Variants in FARSB observed in about 807,000 individuals in gnomAD.
FARSB encodes the protein phenylalanyl-tRNA synthetase subunit beta, also known as phenylalanine--tRNA ligase beta subunit.
In FARSB, 40 loss-of-function variants were observed where a neutral mutation model predicts 69.6. The observed-to-expected ratio is 0.57, with a 90% CI of 0.45 to 0.75. The LOEUF is 0.75. Ranked by LOEUF, FARSB falls within the 30% of genes least tolerant of loss-of-function variation. FARSB has a pLI of 0.00. For synonymous variants in FARSB, 235 were observed against 247.2 expected, an observed-to-expected ratio of 0.95 and a Z score of 0.46; for missense variants, 632 against 722.9, an observed-to-expected ratio of 0.87 and a Z score of 1.44.
At chr2:222,623,503 A>G (rs1296637786) in intron 13 of FARSB, 147 bp downstream of exon 13, 3 of 668,768 alleles carry the variant, frequency 4.5e-6, no homozygotes, top group Non-Finnish European at 8.1e-6. Flanking sequence ...CAGGAATTGT[A>G]TAATCTCAAG....
chr2:222,649,971 A>G (rs1483696183), intron 1 of FARSB, among the ~76,000 whole-genome samples: 1 of 152,222 alleles, frequency 6.6e-6, no homozygotes, highest in Non-Finnish European at 1.5e-5. Flanking sequence ...CCAGGGTTAC[A>G]AAGATAAATA....
chr2:222,624,629 C>G, intron 11 of FARSB, 85 bp downstream of exon 11: 1 of 981,742 alleles, frequency 1.0e-6, no homozygotes, highest in East Asian at 2.4e-5. Context: ...TTTATCATTC[C>G]TTAACAGACT....
intron 7 of FARSB, 124 bp downstream of exon 7, chr2:222,633,075 A>C: frequency 1.5e-6 from 1 of 660,380 alleles, no homozygotes; most frequent in Non-Finnish European, 2.7e-6. Context: ...TCTACAAAAG[A>C]CCTGAGATAC....
intron 1 of FARSB, among the ~76,000 whole-genome samples, chr2:222,654,144 T>C (rs1374518509): frequency 1.3e-5 from 2 of 152,116 alleles, no homozygotes; most frequent in Admixed American, 1.3e-4. Flanking sequence ...TGAACAAATA[T>C]TTGCCACCTA....
intron 2 of FARSB, among the ~76,000 whole-genome samples, chr2:222,646,324 A>G (rs1361245812): frequency 4.0e-5 from 6 of 149,450 alleles, no homozygotes; most frequent in Admixed American, 3.3e-4. Context: ...CTGGGAGCAG[A>G]TAAAATCTTC....
intron 8 of FARSB, among the ~76,000 whole-genome samples, chr2:222,630,605 G>A (rs1325774438): frequency 6.6e-6 from 1 of 151,872 alleles, no homozygotes; most frequent in Non-Finnish European, 1.5e-5. Context: ...TATCTTGTCT[G>A]GTACTTACAA....
chr2:222,608,987 T>C (rs890093239), intron 15 of FARSB, among the ~76,000 whole-genome samples: 1 of 152,244 alleles, frequency 6.6e-6, no homozygotes, highest in Non-Finnish European at 1.5e-5. Context: ...ATATGTCAAA[T>C]TGACAATTGG....
chr2:222,573,618 A>T (rs1689766791), intron 16 of FARSB, among the ~76,000 whole-genome samples: 2 of 152,230 alleles, frequency 1.3e-5, no homozygotes, highest in African/African-American at 4.8e-5. Context: ...CCAAAGGAGA[A>T]GAAAAATCTT....
At chr2:222,620,685 T>G (rs1178961685) in intron 13 of FARSB, among the ~76,000 whole-genome samples, 1 of 152,260 alleles carries the variant, frequency 6.6e-6, no homozygotes, top group South Asian at 2.1e-4. Flanking sequence ...ATATTAATGC[T>G]AGCTTTTTGA....
chr2:222,590,175 C>G (rs943857047), intron 16 of FARSB, among the ~76,000 whole-genome samples: 2 of 152,110 alleles, frequency 1.3e-5, no homozygotes, highest in African/African-American at 4.8e-5. Context: ...CCACGGAATA[C>G]TATGCAGCCA....
intron 16 of FARSB, among the ~76,000 whole-genome samples, chr2:222,583,526 G>C (rs774802764): frequency 2.0e-5 from 3 of 152,108 alleles, no homozygotes; most frequent in Non-Finnish European, 4.4e-5. Context: ...CAAAATTGAG[G>C]AACATGCTAC....
At chr2:222,579,922 G>C (rs1574909491) in intron 16 of FARSB, among the ~76,000 whole-genome samples, 1 of 152,188 alleles carries the variant, frequency 6.6e-6, no homozygotes, top group African/African-American at 2.4e-5. Flanking sequence ...GTGTTGATGG[G>C]ACAGATATCG....
Position 222,634,550 on chromosome 2 carries a change from T to C in FARSB, c.456-9A>G. On this transcript the variant is annotated splice_polypyrimidine_tract_variant and intron_variant, in intron 5 of 16. Transcript: ENST00000281828. ...CAACCAGTGCTCTTTTCCTAATTGT[T>C]GAGAGGTTGAGGGAGAAGGAGGGAG... 1 of 1,607,188 alleles carries C rather than the reference T, an allele frequency of 6.2e-7. No homozygotes were observed. The highest frequency in any genetic ancestry group is 8.5e-7 in the Non-Finnish European group (1 of 1,176,566).
intron 16 of FARSB, among the ~76,000 whole-genome samples, chr2:222,591,693 AT>A (rs1275943051): frequency 2.0e-5 from 3 of 151,746 alleles, no homozygotes; most frequent in Admixed American, 6.6e-5. Context: ...CATATATACA[AT>A]TTTTTTTTAA....
At chr2:222,652,005 C>G (rs1232013405) in intron 1 of FARSB, among the ~76,000 whole-genome samples, 1 of 152,124 alleles carries the variant, frequency 6.6e-6, no homozygotes, top group Non-Finnish European at 1.5e-5. Flanking sequence ...TGCCATGGAC[C>G]AATGACTCCT....
intron 16 of FARSB, among the ~76,000 whole-genome samples, chr2:222,578,260 C>T (rs1689883972): frequency 6.6e-6 from 1 of 152,178 alleles, no homozygotes; most frequent in Non-Finnish European, 1.5e-5. Context: ...TTTACCCAGT[C>T]TTTCACCTGA....
chr2:222,604,871 C>T (rs1019270879), intron 15 of FARSB, among the ~76,000 whole-genome samples: 26 of 151,920 alleles, frequency 1.7e-4, no homozygotes, highest in Non-Finnish European at 2.8e-4. Context: ...CCATGCCAGA[C>T]CTCAATAATT....
chr2:222,610,800 G>T (rs184547116), intron 15 of FARSB, among the ~76,000 whole-genome samples: 2 of 152,260 alleles, frequency 1.3e-5, no homozygotes, highest in Non-Finnish European at 2.9e-5. Flanking sequence ...TGAAATAAGT[G>T]CTATCATTAT....
At chr2:222,648,391 T>C (rs765149942) in intron 2 of FARSB, among the ~76,000 whole-genome samples, 6 of 152,180 alleles carry the variant, frequency 3.9e-5, no homozygotes, top group Non-Finnish European at 8.8e-5. Context: ...GCAGGGTAAC[T>C]CTGGTTGAAG....
Sources: gnomAD v4.1 joint callset for allele counts (sites outside exome capture counted in the v4.1 genomes callset) on GRCh38, gnomAD v4.1.1 for gene constraint, MANE v1.5 for transcripts, NCBI Gene and HGNC (gene_info 2026-07-23, HGNC 2026-07-21) for gene names.